Variants in THRB observed in about 807,000 individuals in gnomAD.
The protein encoded by THRB is nuclear receptor subfamily 1 group A member 2.
A neutral mutation model predicts 47.8 loss-of-function variants in THRB; 12 were observed. That is an observed-to-expected ratio of 0.25 (90% CI 0.16 to 0.41). The LOEUF is 0.41. Among genes scored for constraint, THRB ranks in the 10% least tolerant of loss-of-function variants. The pLI is 1.00. For synonymous variants in THRB, 218 were observed against 212.2 expected (o/e 1.03, Z -0.24); for missense variants, 348 against 589.2 (o/e 0.59, Z 4.24).
intron 1 of THRB, among the ~76,000 whole-genome samples, chr3:24,389,047 A>G (rs2066350239): frequency 6.6e-6 from 1 of 152,156 alleles, no homozygotes; most frequent in South Asian, 2.1e-4. Context: ...AATATTCTGA[A>G]GGAGACTGTG....
At chr3:24,277,513 C>G (rs372979773) in intron 3 of THRB, among the ~76,000 whole-genome samples, 4 of 152,120 alleles carry the variant, frequency 2.6e-5, no homozygotes, top group African/African-American at 9.7e-5. Context: ...CTAACAAGTT[C>G]CCCGGTGATG....
intron 1 of THRB, among the ~76,000 whole-genome samples, chr3:24,451,813 C>A (rs1284252491): frequency 6.6e-6 from 1 of 152,162 alleles, no homozygotes; most frequent in African/African-American, 2.4e-5. Context: ...TTTAATAGAG[C>A]ATTGGGTTAT....
chr3:24,190,968 T>C (rs1427934745), intron 4 of THRB, among the ~76,000 whole-genome samples: 1 of 151,882 alleles, frequency 6.6e-6, no homozygotes, highest in Non-Finnish European at 1.5e-5. Context: ...TAAGAACCGA[T>C]GAAGGAAAGC....
intron 1 of THRB, among the ~76,000 whole-genome samples, chr3:24,448,192 T>C (rs1447173008): frequency 6.6e-6 from 1 of 152,150 alleles, no homozygotes; most frequent in Non-Finnish European, 1.5e-5. Flanking sequence ...TCTTGAGTTC[T>C]CTTGGTTTTC....
chr3:24,294,279 G>A (rs1355472502), intron 3 of THRB, among the ~76,000 whole-genome samples: 1 of 152,218 alleles, frequency 6.6e-6, no homozygotes, highest in East Asian at 1.9e-4. Flanking sequence ...GGATGTTGTA[G>A]CTCCAGCAGA....
intron 1 of THRB, among the ~76,000 whole-genome samples, chr3:24,472,518 A>T (rs183873568): frequency 6.6e-6 from 1 of 152,214 alleles, no homozygotes; most frequent in African/African-American, 2.4e-5. Flanking sequence ...CTTTTACACA[A>T]AGCCAATTAT....
At chr3:24,330,941 C>T (rs1346516546) in intron 2 of THRB, among the ~76,000 whole-genome samples, 1 of 152,164 alleles carries the variant, frequency 6.6e-6, no homozygotes, top group Non-Finnish European at 1.5e-5. Context: ...GTTGTACTGA[C>T]AAACTTTGTC....
Position 24,399,924 on chromosome 3 carries a change from G to A in THRB, c.-260-62553C>T, listed in dbSNP as rs1248499889. Among the ~76,000 whole-genome samples the A allele has an allele frequency of 2.6e-5, 4 of 152,052 alleles. No homozygotes were observed. In the East Asian group the frequency reaches 5.8e-4, roughly 22 times the overall value. ...GGAGGGGAAGAAGGTAGGGGAGGAC[G>A]TTACCTCACCAGAACTTTTTTCTCT... On this transcript the variant is annotated intron_variant, in intron 1 of 10. Coordinates refer to ENST00000646209, the MANE Select transcript of THRB (RefSeq NM_001354712.2).
intron 4 of THRB, among the ~76,000 whole-genome samples, chr3:24,205,432 T>G (rs879466390): frequency 1.3e-5 from 2 of 152,094 alleles, no homozygotes; most frequent in African/African-American, 2.4e-5. Context: ...ATAAAATCCT[T>G]TACAGAGAAG....
intron 4 of THRB, among the ~76,000 whole-genome samples, chr3:24,210,746 A>G (rs1019660650): frequency 2.0e-5 from 3 of 152,326 alleles, no homozygotes; most frequent in South Asian, 2.1e-4. Context: ...CCCGGAGGGA[A>G]TGTCTGGTTG....
In THRB at chr3:24,347,631, C is replaced by A. The variant is rs370065372; in HGVS notation, c.-260-10260G>T. On this transcript the variant is annotated intron_variant, in intron 1 of 10. Coordinates refer to ENST00000646209, the MANE Select transcript of THRB (RefSeq NM_001354712.2). ...AACCTTTAAAATTTTTAAAAAATTT[C>A]TTTTTAAAGAATAAAAAAAAGAAAT... Among the ~76,000 whole-genome samples, 52 of 150,118 alleles carry A rather than the reference C, an allele frequency of 3.5e-4. 1 individual carries two copies. In the East Asian group the frequency reaches 8.4e-3, roughly 24 times the overall value.
At chr3:24,489,828 C>T (rs760585917) in intron 1 of THRB, among the ~76,000 whole-genome samples, 16 of 152,248 alleles carry the variant, frequency 1.1e-4, no homozygotes, top group African/African-American at 2.9e-4. Context: ...TACTCCCCCC[C>T]ACTTGTTTAA....
chr3:24,161,265 G>A (rs17014253), intron 5 of THRB, among the ~76,000 whole-genome samples: 1,844 of 152,274 alleles, frequency 0.012, 37 homozygotes, highest in African/African-American at 0.042. Context: ...TTCCATCAGC[G>A]TCCTTAAGTT....
intron 1 of THRB, among the ~76,000 whole-genome samples, chr3:24,482,034 A>G (rs1376973487): frequency 1.4e-5 from 2 of 145,612 alleles, no homozygotes; most frequent in Non-Finnish European, 2.9e-5. Context: ...ATCAATAAAC[A>G]GACAGTAACA....
At chr3:24,429,195 T>C (rs1171844167) in intron 1 of THRB, among the ~76,000 whole-genome samples, 1 of 151,122 alleles carries the variant, frequency 6.6e-6, no homozygotes, top group Non-Finnish European at 1.5e-5. Context: ...AGCACAGAGT[T>C]GGGGAGGAGA....
chr3:24,178,436 A>T (rs897420164), intron 5 of THRB, among the ~76,000 whole-genome samples: 35 of 152,168 alleles, frequency 2.3e-4, no homozygotes, highest in Non-Finnish European at 1.6e-4. Context: ...GGCTGCAGTG[A>T]GCTATTAGCT....
chr3:24,430,528 T>TAAAGAA (rs2070277698), intron 1 of THRB, among the ~76,000 whole-genome samples: 1 of 152,048 alleles, frequency 6.6e-6, no homozygotes, highest in South Asian at 2.1e-4. Context: ...GAATATAAAT[T>TAAAGAA]TATTACCACT....
intron 3 of THRB, among the ~76,000 whole-genome samples, chr3:24,245,787 C>A (rs1454845888): frequency 1.3e-5 from 2 of 152,180 alleles, no homozygotes; most frequent in Non-Finnish European, 2.9e-5. Context: ...GTGGCACGTG[C>A]CTGTAATCCC....
intron 1 of THRB, among the ~76,000 whole-genome samples, chr3:24,417,126 A>G (rs137930382): frequency 1.2e-4 from 8 of 66,976 alleles, no homozygotes; most frequent in East Asian, 3.5e-4. Flanking sequence ...ACACACACAC[A>G]CACACACACA....
Sources: gnomAD v4.1 joint callset for allele counts (sites outside exome capture counted in the v4.1 genomes callset) on GRCh38, gnomAD v4.1.1 for gene constraint, MANE v1.5 for transcripts, NCBI Gene and HGNC (gene_info 2026-07-23, HGNC 2026-07-21) for gene names.